Variants in MKKS observed in about 807,000 individuals in gnomAD.
MKKS encodes molecular chaperone MKKS.
Under a neutral mutation model 33.2 loss-of-function variants are expected in MKKS, and 29 were observed. The ratio of observed to expected loss-of-function variants is 0.87; its 90% CI spans 0.65 to 1.19. MKKS has a LOEUF of 1.19. MKKS is among the 50% of genes most tolerant of loss of function. The pLI, the probability that MKKS is intolerant of heterozygous loss-of-function variation, is 0.00. For missense variants in MKKS, 661 were observed against 662.3 expected (o/e 1.00, Z 0.02); for synonymous variants, 260 against 244.0 (o/e 1.07, Z -0.61).
At chr20:10,415,288 A>G (rs6131089) in intron 2 of MKKS, among the ~76,000 whole-genome samples, 21,935 of 152,176 alleles carry the variant, frequency 0.14, 1,777 homozygotes, top group East Asian at 0.24. Flanking sequence ...AAATGAAACA[A>G]ATCTATTTAG....
At chr20:10,410,410 C>T (rs1279304966) in intron 3 of MKKS, among the ~76,000 whole-genome samples, 1 of 151,978 alleles carries the variant, frequency 6.6e-6, no homozygotes, top group East Asian at 1.9e-4. Flanking sequence ...ATGGGTGGAT[C>T]ACCTGAGCTC....
chr20:10,429,333 C>T (rs2065038052), intron 1 of MKKS, among the ~76,000 whole-genome samples: 2 of 152,152 alleles, frequency 1.3e-5, no homozygotes, highest in Non-Finnish European at 2.9e-5. Context: ...TGCTGGTTTC[C>T]ATCCACCTAT....
Position 10,405,256 on chromosome 20 carries a change from A to G in MKKS, c.1704T>C (p.Asp568=), listed in dbSNP as rs745902918. 3 of 1,610,016 alleles carry G rather than the reference A, an allele frequency of 1.9e-6. No individual in the cohort carries two copies. The African/African-American group carries it at 4.0e-5, about 22-fold the overall frequency. ...LILDLSYVIE[D]KN ...CGAACATGCTATTCTCTTAGTTTTT[A>G]TCTTCAATAACATATGAAAGATCCA... The change falls in exon 6 of 6, where the codon GAT becomes GAC. Residue 568 remains aspartate, a synonymous_variant. Transcript: ENST00000347364.
At chr20:10,414,076 T>C (rs758202477) in intron 2 of MKKS, 145 bp from the exon 3 acceptor site, 8 of 368,470 alleles carry the variant, frequency 2.2e-5, no homozygotes, top group Non-Finnish European at 3.3e-5. Flanking sequence ...ATGAGAAAGG[T>C]AGACCAACTT....
At chr20:10,426,351 G>A (rs143364276) in intron 1 of MKKS, among the ~76,000 whole-genome samples, 1 of 152,324 alleles carries the variant, frequency 6.6e-6, no homozygotes, top group Non-Finnish European at 1.5e-5. Flanking sequence ...AGGGCGTGAG[G>A]CACACCCTTG....
chr20:10,405,761 G>C, intron 5 of MKKS, 74 bp from the exon 6 acceptor site: 2 of 1,302,206 alleles, frequency 1.5e-6, no homozygotes, highest in South Asian at 2.5e-5. Context: ...ATAAGATACT[G>C]AAATCAAAAT....
At chr20:10,405,794 A>C (rs1171167959) in intron 5 of MKKS, 107 bp from the exon 6 acceptor site, 3 of 1,125,164 alleles carry the variant, frequency 2.7e-6, no homozygotes, top group Non-Finnish European at 3.9e-6. Context: ...GTAATTACTT[A>C]CTTTCATTTA....
chr20:10,433,578 G>A (rs1175578675), intron 1 of MKKS, among the ~76,000 whole-genome samples: 1 of 152,166 alleles, frequency 6.6e-6, no homozygotes, highest in Non-Finnish European at 1.5e-5. Flanking sequence ...GGAGGAAGAC[G>A]AGCATGACCT....
chr20:10,407,865 T>C (rs1460095405), intron 4 of MKKS, 139 bp from the exon 5 acceptor site: 4 of 714,280 alleles, frequency 5.6e-6, no homozygotes, highest in Non-Finnish European at 1.0e-5. Context: ...GGTGCCAAGG[T>C]TGTCATGTGA....
rs1351039927 is a variant in MKKS at position 10,413,388 on chromosome 20, GCCTA to G, written c.123_126del (p.Arg42Ter). On this transcript the variant is annotated frameshift_variant, in exon 3 of 6. Coordinates refer to ENST00000347364, the MANE Select transcript of MKKS (RefSeq NM_170784.3). LOFTEE classifies it high-confidence loss of function. The stretch of plus-strand genomic sequence containing the variant: ...CCAAAGCCATTGTGCAGCTGCTTCA[GCCTA>G]CCTGAGGGGCCATAGCATGATGTTA... 1 of 1,613,026 alleles carries G rather than the reference GCCTA, an allele frequency of 6.2e-7. No homozygotes were observed.
In MKKS at chr20:10,412,638, A is replaced by ACAGG. The variant is rs113994196; in HGVS notation, c.873_876dup (p.Cys293ProfsTer35). 4 of 1,614,188 alleles carry ACAGG rather than the reference A, an allele frequency of 2.5e-6. No homozygotes were observed. The highest frequency in any genetic ancestry group is 3.4e-6 in the Non-Finnish European group (4 of 1,180,028). Reference sequence around the variant, plus strand: ...AAAGATGGATGTATAACTTTTTGGCACAGGACAAGATCTACGTGGTCACTG... The same window carrying ACAGG: ...AAAGATGGATGTATAACTTTTTGGCACAGGCAGGACAAGATCTACGTGGTCACTG... On this transcript the variant is annotated frameshift_variant, in exon 3 of 6. Coordinates refer to ENST00000347364, the MANE Select transcript of MKKS (RefSeq NM_170784.3). LOFTEE classifies it high-confidence loss of function.
At position 10,413,792 on chromosome 20, in the gene MKKS, A is replaced by T; in HGVS notation, c.-278T>A. The T allele has an allele frequency of 1.8e-6, 1 of 562,842 alleles. No homozygotes were observed. Among genetic ancestry groups the T allele is most frequent in the South Asian group, 2.5e-5 (1 of 39,394 alleles). 34.9% of individuals were successfully genotyped at this position (562,842 alleles called of 1,614,324 possible). On this transcript the variant is annotated 5_prime_UTR_variant, in exon 3 of 6. Transcript: ENST00000347364. ...ACTGAAATTTTACAGACTGCTTTGCAGACCTCTGCAAAAAGTATGTTCCAA... is the reference window on the plus strand; with the variant it reads ...ACTGAAATTTTACAGACTGCTTTGCTGACCTCTGCAAAAAGTATGTTCCAA...
intron 2 of MKKS, among the ~76,000 whole-genome samples, chr20:10,415,138 T>C (rs775544820): frequency 6.6e-6 from 1 of 152,204 alleles, no homozygotes; most frequent in Non-Finnish European, 1.5e-5. Context: ...TCCTGACACA[T>C]TAATAATAAT....
intron 3 of MKKS, among the ~76,000 whole-genome samples, chr20:10,411,346 C>T (rs2064885171): frequency 2.0e-5 from 3 of 152,034 alleles, no homozygotes; most frequent in African/African-American, 7.2e-5. Flanking sequence ...CTCCTTGGCT[C>T]AAGTAATCCT....
rs949395833 is a variant in MKKS, at chr20:10,402,756, C to T, written c.*2491G>A. On this transcript the variant is annotated 3_prime_UTR_variant, in exon 6 of 6. Coordinates refer to ENST00000347364, the MANE Select transcript of MKKS (RefSeq NM_170784.3). ...ATTGTAAACACATGTGATAAAGAAC[C>T]CTTCTTTTAGGTTGGGGTGATGATA... The T allele has an allele frequency of 6.6e-5, 10 of 152,140 alleles. No homozygotes were observed. The highest frequency in any genetic ancestry group is 2.4e-4 in the African/African-American group (10 of 41,424). 9.4% of individuals were successfully genotyped at this position (152,140 alleles called of 1,614,324 possible). A position where few individuals can be genotyped will look rare whatever the true frequency, so the allele number is the denominator to read the frequency against.
intron 2 of MKKS, among the ~76,000 whole-genome samples, chr20:10,415,760 AAT>A: frequency 6.6e-6 from 1 of 152,246 alleles, no homozygotes; most frequent in Non-Finnish European, 1.5e-5. Flanking sequence ...TTCAATACTT[AAT>A]AGTGTCATGT....
At chr20:10,409,745 GGCATT>G (rs1402155085) in intron 3 of MKKS, among the ~76,000 whole-genome samples, 1 of 151,870 alleles carries the variant, frequency 6.6e-6, no homozygotes, top group African/African-American at 2.4e-5. Context: ...GGCTGAGGCG[GGCATT>G]GCCTAAGGTC....
At chr20:10,407,227 A>G (rs894940504) in intron 5 of MKKS, among the ~76,000 whole-genome samples, 2 of 152,176 alleles carry the variant, frequency 1.3e-5, no homozygotes, top group African/African-American at 4.8e-5. Context: ...GTGAACATCA[A>G]TTATTACTGT....
Position 10,403,687 on chromosome 20 carries a change from C to CA in MKKS, c.*1559dup, listed in dbSNP as rs1199768029. ...GTCCACAAAGCTGGGAAATGGGAGA[C>CA]ATAAAGGAGTCACTAAGTCTAGCCC... is the stretch of plus-strand genomic sequence containing the variant. On this transcript the variant is annotated 3_prime_UTR_variant, in exon 6 of 6. Transcript: ENST00000347364. The CA allele has an allele frequency of 3.3e-5, 5 of 152,080 alleles. No homozygotes were observed. Among genetic ancestry groups the CA allele is most frequent in the Non-Finnish European group, 7.3e-5 (5 of 68,062 alleles). The allele number at this position is 152,080 out of a possible 1,614,324, so 9.4% of individuals were successfully genotyped here. A position where few individuals can be genotyped will look rare whatever the true frequency, so the allele number is the denominator to read the frequency against.
Sources: allele counts gnomAD v4.1 joint callset (sites outside exome capture counted in the v4.1 genomes callset), GRCh38; gene constraint gnomAD v4.1.1; transcripts MANE v1.5; gene names NCBI Gene and HGNC (gene_info 2026-07-23, HGNC 2026-07-21).